Variants in SYN3 observed in about 807,000 individuals in gnomAD.
The protein encoded by SYN3 is synapsin III, also known as synapsin-3.
A neutral mutation model predicts 65.8 loss-of-function variants in SYN3; 35 were observed. The ratio of observed to expected loss-of-function variants is 0.53; its 90% CI spans 0.41 to 0.70. SYN3 has a LOEUF of 0.70. Among genes scored for constraint, SYN3 ranks in the 30% least tolerant of loss-of-function variants. The pLI is 0.00. For missense variants in SYN3, 680 were observed against 749.0 expected, an observed-to-expected ratio of 0.91 and a Z score of 1.08; for synonymous variants, 270 against 292.9, an observed-to-expected ratio of 0.92 and a Z score of 0.80.
At chr22:32,806,666 G>A (rs1025740956) in intron 6 of SYN3, among the ~76,000 whole-genome samples, 1 of 152,150 alleles carries the variant, frequency 6.6e-6, no homozygotes, top group Non-Finnish European at 1.5e-5. Context: ...ATAACAATTT[G>A]TACCATCTTG....
intron 6 of SYN3, among the ~76,000 whole-genome samples, chr22:32,648,458 T>C (rs1386039791): frequency 6.6e-6 from 1 of 152,200 alleles, no homozygotes; most frequent in Non-Finnish European, 1.5e-5. Context: ...ACACAGTACA[T>C]AAATATGGTA....
chr22:32,918,101 C>T (rs2050235443), intron 4 of SYN3, among the ~76,000 whole-genome samples: 1 of 152,226 alleles, frequency 6.6e-6, no homozygotes, highest in South Asian at 2.1e-4. Context: ...AGGCCTGACT[C>T]CCCTCAGCCG....
In SYN3 at chr22:32,837,608, G is replaced by T. The variant is rs566147729; in HGVS notation, c.711+27307C>A. On this transcript the variant is annotated intron_variant, in intron 6 of 13. Transcript: ENST00000358763. The surrounding 1 kb of genome is among the most constrained non-coding windows in gnomAD (Gnocchi z 4.1). ...TGTGCACTGGAATGAGATCATTTGT[G>T]GTTCTGATGCAAAGACCCAGGCTTG... Among the ~76,000 whole-genome samples the T allele has an allele frequency of 2.6e-5, 4 of 152,258 alleles. No individual in the cohort carries two copies. Among genetic ancestry groups the T allele is most frequent in the Middle Eastern group, 6.8e-3 (2 of 294 alleles).
At position 32,632,231 on chromosome 22, in the gene SYN3, C is replaced by T. The variant is rs559779184; in HGVS notation, c.712-35495G>A. The stretch of plus-strand genomic sequence containing the variant: ...GGAGGGGTTGGTGAATCTCCCAGGA[C>T]ATTGCAGGCAGCAGCTTAATGTTAG... On this transcript the variant is annotated intron_variant, in intron 6 of 13. Transcript: ENST00000358763. Among the ~76,000 whole-genome samples, 185 of 152,316 alleles carry T rather than the reference C, an allele frequency of 1.2e-3. 2 individuals carry two copies. The highest frequency in any genetic ancestry group is 1.7e-3 in the Non-Finnish European group (118 of 68,026).
chr22:32,811,155 A>G (rs1184443368), intron 6 of SYN3, among the ~76,000 whole-genome samples: 1 of 152,078 alleles, frequency 6.6e-6, no homozygotes. Flanking sequence ...AGAACTGACT[A>G]TACGGTAATA....
chr22:32,779,031 C>G (rs892307456), intron 6 of SYN3, among the ~76,000 whole-genome samples: 1 of 152,156 alleles, frequency 6.6e-6, no homozygotes, highest in African/African-American at 2.4e-5. Flanking sequence ...TACCTTCATA[C>G]TACTAGTGAG....
At chr22:32,533,535 T>C (rs1406394940) in intron 10 of SYN3, among the ~76,000 whole-genome samples, 6 of 152,140 alleles carry the variant, frequency 3.9e-5, no homozygotes, top group Non-Finnish European at 8.8e-5. Flanking sequence ...TTCCTTCCCT[T>C]AGGCCTGTGG....
chr22:33,030,610 T>C (rs1396426263), intron 1 of SYN3, among the ~76,000 whole-genome samples: 1 of 132,036 alleles, frequency 7.6e-6, no homozygotes, highest in Non-Finnish European at 1.6e-5. Flanking sequence ...GAGAGATAGA[T>C]AAAAATAAAC....
chr22:32,780,136 C>A (rs1027057295), intron 6 of SYN3, among the ~76,000 whole-genome samples: 6 of 151,582 alleles, frequency 4.0e-5, no homozygotes, highest in East Asian at 3.9e-4. Flanking sequence ...GAGCCCGAAG[C>A]CTTCTGCCCT....
intron 6 of SYN3, among the ~76,000 whole-genome samples, chr22:32,632,423 C>G (rs1447365441): frequency 1.2e-5 from 1 of 85,324 alleles, no homozygotes; most frequent in East Asian, 2.1e-4. Flanking sequence ...AGTGGCTGAT[C>G]CACAAACAAG....
intron 6 of SYN3, among the ~76,000 whole-genome samples, chr22:32,761,644 G>T (rs1243762040): frequency 6.6e-6 from 1 of 152,204 alleles, no homozygotes; most frequent in Non-Finnish European, 1.5e-5. Flanking sequence ...TATAGTCCCA[G>T]AGAGGTCAGG....
At chr22:32,521,039 T>G (rs969104957) in intron 12 of SYN3, among the ~76,000 whole-genome samples, 17 of 152,232 alleles carry the variant, frequency 1.1e-4, no homozygotes, top group Non-Finnish European at 2.4e-4. Context: ...TTTGATTCAT[T>G]ACCTCTTTCA....
At chr22:32,954,942 C>CTTTTTTTTTT (rs770971735) in intron 3 of SYN3, among the ~76,000 whole-genome samples, 22 of 118,962 alleles carry the variant, frequency 1.8e-4, no homozygotes, top group African/African-American at 6.6e-4. Context: ...TTTTCCTTTT[C>CTTTTTTTTTT]TTTTTTTTTT....
chr22:32,522,604 T>A (rs1157989881), intron 12 of SYN3, among the ~76,000 whole-genome samples: 1 of 152,176 alleles, frequency 6.6e-6, no homozygotes, highest in Non-Finnish European at 1.5e-5. Flanking sequence ...TTGTTAATAA[T>A]AAACATGAAA....
At chr22:32,897,042 A>G (rs1197141329) in intron 4 of SYN3, among the ~76,000 whole-genome samples, 3 of 152,088 alleles carry the variant, frequency 2.0e-5, no homozygotes, top group Non-Finnish European at 4.4e-5. Context: ...ACTCTTACAT[A>G]GAGGACTCTT....
At chr22:33,000,735 G>A (rs2053036788) in intron 2 of SYN3, among the ~76,000 whole-genome samples, 1 of 152,180 alleles carries the variant, frequency 6.6e-6, no homozygotes. Flanking sequence ...GGAAAGAAGG[G>A]GGCCCTGTGA....
chr22:33,052,608 G>C (rs894368157), intron 1 of SYN3, among the ~76,000 whole-genome samples: 3 of 151,532 alleles, frequency 2.0e-5, no homozygotes, highest in African/African-American at 7.3e-5. Context: ...GAGAGAGAGA[G>C]AGCTCTAACT....
At chr22:32,683,338 C>A (rs1235971377) in intron 6 of SYN3, among the ~76,000 whole-genome samples, 1 of 152,108 alleles carries the variant, frequency 6.6e-6, no homozygotes, top group Non-Finnish European at 1.5e-5. Context: ...CCAAACCCCT[C>A]CTCCTTAGAA....
chr22:32,898,898 C>T (rs140342991), intron 4 of SYN3, among the ~76,000 whole-genome samples: 11 of 152,216 alleles, frequency 7.2e-5, no homozygotes, highest in African/African-American at 2.2e-4. Context: ...GTCAGGAGAC[C>T]GAGACCATCC....
Sources: gnomAD v4.1 joint callset for allele counts (sites outside exome capture counted in the v4.1 genomes callset) on GRCh38, gnomAD v4.1.1 for gene constraint, Gnocchi (gnomAD v3.1) non-coding constraint, MANE v1.5 for transcripts, NCBI Gene and HGNC (gene_info 2026-07-23, HGNC 2026-07-21) for gene names.